Variants in AKR1E2 observed in about 807,000 individuals in gnomAD.
AKR1E2 encodes the protein aldo-keto reductase family 1 member E2, also known as 1,5-anhydro-D-fructose reductase.
Under a neutral mutation model 41.9 loss-of-function variants are expected in AKR1E2, and 43 were observed. The observed-to-expected ratio is 1.03, with a 90% CI of 0.80 to 1.32. The LOEUF (loss-of-function observed/expected upper bound fraction) is 1.32. Ranked by LOEUF, AKR1E2 falls within the 40% of genes most tolerant of loss-of-function variation. The probability of loss-of-function intolerance (pLI) is 0.00; values close to 1 mark genes in which losing one functional copy is unlikely to be tolerated. For synonymous variants in AKR1E2, 121 were observed against 138.9 expected (o/e 0.87, Z 0.91); for missense variants, 423 against 396.5 (o/e 1.07, Z -0.57).
downstream of AKR1E2, among the ~76,000 whole-genome samples, chr10:4,852,180 C>A (rs1035917851): frequency 6.6e-6 from 1 of 152,148 alleles, no homozygotes; most frequent in Admixed American, 6.5e-5. Flanking sequence ...GTGAGTCACA[C>A]GAGTTCAAGC....
At chr10:4,863,387 A>G in the AKR1E2 span, among the ~76,000 whole-genome samples, 7 of 152,248 alleles carry the variant, frequency 4.6e-5, no homozygotes, top group African/African-American at 1.7e-4. Context: ...ATGAAGGCAG[A>G]AATAAAGATG....
rs1466207840 is a variant in AKR1E2 at position 4,835,751 on chromosome 10, C to T, written c.401C>T (p.Pro134Leu). The change falls in exon 4 of 10, where the codon CCT (proline) becomes CTT (leucine). Residue 134 changes from proline (P) to leucine (L), a missense_variant. By Grantham distance (98) the Pro-to-Leu change is moderately conservative. Transcript: ENST00000298375. The part of the protein sequence containing the change: ...CLSHPRVQDL[P>L]LDESNMVIPS... Reference sequence around the variant, plus strand: ...TCACATCCTCGAGTGCAGGACTTGCCTCTGGACGAGAGCAACATGGTTATT... The same window carrying T: ...TCACATCCTCGAGTGCAGGACTTGCTTCTGGACGAGAGCAACATGGTTATT... 6.2e-7 allele frequency: 1 copy of T among 1,614,062 alleles called. No homozygotes were observed. Among genetic ancestry groups the T allele is most frequent in the Non-Finnish European group, 8.5e-7 (1 of 1,180,048 alleles).
At chr10:4,841,902 G>T (rs377075678) in intron 7 of AKR1E2, 45 bp downstream of exon 7, 1 of 1,572,908 alleles carries the variant, frequency 6.4e-7, no homozygotes, top group South Asian at 1.2e-5. Flanking sequence ...TTCTCTGACC[G>T]CTCTACATCC....
chr10:4,873,091 G>A, the AKR1E2 span, among the ~76,000 whole-genome samples: 103 of 152,230 alleles, frequency 6.8e-4, 1 homozygote, highest in African/African-American at 2.1e-3. Flanking sequence ...CCCATGTGTC[G>A]TCGGAGGAAC....
At chr10:4,830,100 C>G (rs558604566) in intron 1 of AKR1E2, among the ~76,000 whole-genome samples, 1 of 152,254 alleles carries the variant, frequency 6.6e-6, no homozygotes, top group African/African-American at 2.4e-5. Flanking sequence ...AAGCCCTTGT[C>G]AGTCTTCAGT....
rs372062233 is a variant in AKR1E2 at position 4,839,726 on chromosome 10, T to C, written c.583-3T>C. Reference sequence around the variant, plus strand: ...TTTTATGTAAGCTATGATTCTGTTATAGATTGAGTGCCACCCATATCTTAC... The same window carrying C: ...TTTTATGTAAGCTATGATTCTGTTACAGATTGAGTGCCACCCATATCTTAC... On this transcript the variant is annotated splice_polypyrimidine_tract_variant and splice_region_variant and intron_variant, in intron 5 of 9. Coordinates refer to ENST00000298375, the MANE Select transcript of AKR1E2 (RefSeq NM_001040177.3). 28 of 1,612,724 alleles carry C rather than the reference T, an allele frequency of 1.7e-5. No homozygotes were observed. The African/African-American group carries it at 3.1e-4, about 18-fold the overall frequency.
chr10:4,830,717 G>A lies in AKR1E2; in HGVS notation c.82G>A (p.Asp28Asn), dbSNP rs1273593707. ...GACCGAGGCAGTGAAAGAGGCCATT[G>A]ACGCAGGGTACCGGCACTTCGACTG... ...KVTEAVKEAIDAGYRHFDCAY... is the reference protein window; with the variant it reads ...KVTEAVKEAINAGYRHFDCAY... The change falls in exon 2 of 10, where the codon GAC becomes AAC. Residue 28 changes from aspartate (D) to asparagine (N), a missense_variant. By Grantham distance (23) the Asp-to-Asn change is conservative. Coordinates refer to ENST00000298375, the MANE Select transcript of AKR1E2 (RefSeq NM_001040177.3). 6.2e-7 allele frequency: 1 copy of A among 1,614,126 alleles called. No individual in the cohort carries two copies.
rs1215297547 is a variant in AKR1E2 at position 4,837,485 on chromosome 10, G to A, written c.486G>A (p.Gly162=). ...WEAMEDLVIT[G]LVKNIGVSNF... Reference sequence around the variant, plus strand: ...CCATGGAGGACCTGGTGATCACCGGGCTGGTGAAGAACATCGGGGTGTCAA... The same window carrying A: ...CCATGGAGGACCTGGTGATCACCGGACTGGTGAAGAACATCGGGGTGTCAA... The change falls in exon 5 of 10, where the codon GGG becomes GGA. Residue 162 remains glycine, a synonymous_variant. Transcript: ENST00000298375. 1 of 1,614,088 alleles carries A rather than the reference G, an allele frequency of 6.2e-7. No individual in the cohort carries two copies. Among genetic ancestry groups the A allele is most frequent in the Non-Finnish European group, 8.5e-7 (1 of 1,180,050 alleles).
intron 2 of AKR1E2, 23 bp from the exon 3 acceptor site, chr10:4,833,327 C>T (rs777006028): frequency 8.8e-6 from 14 of 1,594,896 alleles, no homozygotes; most frequent in Admixed American, 3.3e-5. Context: ...GCACGTGTGA[C>T]GCTGGTCCCC....
the AKR1E2 span, among the ~76,000 whole-genome samples, chr10:4,857,327 A>G: frequency 6.6e-6 from 1 of 152,152 alleles, no homozygotes; most frequent in Non-Finnish European, 1.5e-5. Flanking sequence ...GAATGGTTTA[A>G]CACCATCCCC....
chr10:4,853,979 G>A, the AKR1E2 span, among the ~76,000 whole-genome samples: 2 of 151,930 alleles, frequency 1.3e-5, no homozygotes, highest in African/African-American at 4.8e-5. Context: ...CAGAAATAAT[G>A]TACTCCTTGT....
At chr10:4,859,888 G>T in the AKR1E2 span, among the ~76,000 whole-genome samples, 1 of 152,202 alleles carries the variant, frequency 6.6e-6, no homozygotes, top group East Asian at 1.9e-4. Context: ...CTCCATGCAT[G>T]TGCAGGTGCC....
chr10:4,848,591 T>C (rs897661706), downstream of AKR1E2, among the ~76,000 whole-genome samples: 1 of 152,260 alleles, frequency 6.6e-6, no homozygotes, highest in Non-Finnish European at 1.5e-5. Context: ...CTCCATGGTC[T>C]CTTCCCGCTT....
chr10:4,847,517 A>C lies in AKR1E2; in HGVS notation c.950A>C (p.His317Pro), dbSNP rs140159196. 3 of 1,613,488 alleles carry C rather than the reference A, an allele frequency of 1.9e-6. No individual in the cohort carries two copies. The African/African-American group carries it at 4.0e-5, about 22-fold the overall frequency. The change falls in exon 10 of 10, where the codon CAC becomes CCC. Residue 317 changes from histidine (H) to proline (P), a missense_variant. His to Pro is a moderately conservative substitution (Grantham distance 77). Transcript: ENST00000298375. ...ITKNHKDYPF[H>P]IEY ...AAAAATCACAAAGACTATCCTTTCC[A>C]CATAGAATACTGAGGACGCTTCCCC...
At chr10:4,846,977 G>T (rs1969384778) in intron 8 of AKR1E2, among the ~76,000 whole-genome samples, 171 bp from the exon 9 acceptor site, 1 of 152,186 alleles carries the variant, frequency 6.6e-6, no homozygotes, top group African/African-American at 2.4e-5. Flanking sequence ...AAATCAAAGG[G>T]CATTTGGGGA....
chr10:4,859,699 G>A, the AKR1E2 span, among the ~76,000 whole-genome samples: 2 of 152,216 alleles, frequency 1.3e-5, no homozygotes, highest in African/African-American at 4.8e-5. Context: ...GAAGAATAGG[G>A]TCAGATCTCT....
At chr10:4,827,164 T>G (rs549952109) in intron 1 of AKR1E2, among the ~76,000 whole-genome samples, 1 of 152,258 alleles carries the variant, frequency 6.6e-6, no homozygotes, top group African/African-American at 2.4e-5. Context: ...GTTCCCTGTT[T>G]AGAAGCAACC....
chr10:4,850,224 G>A (rs1234574947), downstream of AKR1E2, among the ~76,000 whole-genome samples: 1 of 152,134 alleles, frequency 6.6e-6, no homozygotes. Context: ...AGGTGTAAAC[G>A]TGTGCCCTTA....
Position 4,833,409 on chromosome 10 carries a change from G to C in AKR1E2, c.267G>C (p.Lys89Asn), listed in dbSNP as rs1327790722. The part of the protein sequence containing the change: ...LVETACRKSL[K>N]ALKLNYLDLY... ...AAACAGCATGCAGAAAGAGTCTCAA[G>C]GCCTTGAAGCTGAACTATTTGGACC... is the stretch of plus-strand genomic sequence containing the variant. Residue 89 changes from lysine (K) to asparagine (N), a missense_variant, in exon 3 of 10, where the codon AAG becomes AAC. Physicochemically the swap from Lys to Asn is moderately conservative, Grantham distance 94. Coordinates refer to ENST00000298375, the MANE Select transcript of AKR1E2 (RefSeq NM_001040177.3). 1 of 1,614,178 alleles carries C rather than the reference G, an allele frequency of 6.2e-7. No homozygotes were observed. Among genetic ancestry groups the C allele is most frequent in the Admixed American group, 1.7e-5 (1 of 60,024 alleles).
Sources: gnomAD v4.1 joint callset for allele counts (sites outside exome capture counted in the v4.1 genomes callset) on GRCh38, gnomAD v4.1.1 for gene constraint, MANE v1.5 for transcripts, NCBI Gene and HGNC (gene_info 2026-07-23, HGNC 2026-07-21) for gene names.